GRM3: variants seen among roughly 807,000 people sequenced by gnomAD.
GRM3 encodes the protein metabotropic glutamate receptor 3.
Under a neutral mutation model 70.5 loss-of-function variants are expected in GRM3, and 26 were observed. The ratio of observed to expected loss-of-function variants is 0.37; its 90% CI spans 0.27 to 0.51. GRM3 has a LOEUF of 0.51. Ranked by LOEUF, GRM3 falls within the 20% of genes least tolerant of loss-of-function variation. GRM3 has a pLI of 0.93. For synonymous variants in GRM3, 443 were observed against 434.9 expected, an observed-to-expected ratio of 1.02 and a Z score of -0.23; for missense variants, 859 against 1,123.8, an observed-to-expected ratio of 0.76 and a Z score of 3.37.
intron 1 of GRM3, among the ~76,000 whole-genome samples, chr7:86,726,251 C>A (rs1313448874): frequency 6.6e-6 from 1 of 152,144 alleles, no homozygotes; most frequent in African/African-American, 2.4e-5. Flanking sequence ...TGGCCCTCAC[C>A]CCAAAGTGTG....
chr7:86,670,328 C>G (rs1794139462), intron 1 of GRM3, among the ~76,000 whole-genome samples: 1 of 152,162 alleles, frequency 6.6e-6, no homozygotes. Context: ...CATGTGGCTC[C>G]ATCTATCAAC....
chr7:86,766,680 A>G (rs1156864488), intron 2 of GRM3, among the ~76,000 whole-genome samples: 1 of 152,118 alleles, frequency 6.6e-6, no homozygotes, highest in Non-Finnish European at 1.5e-5. Context: ...TGATATTTAT[A>G]TGTTACTTTA....
At chr7:86,779,843 A>T (rs1408992474) in intron 2 of GRM3, among the ~76,000 whole-genome samples, 2 of 152,248 alleles carry the variant, frequency 1.3e-5, no homozygotes, top group Non-Finnish European at 2.9e-5. Flanking sequence ...GGAAGAAAAA[A>T]ATATATTGGG....
intron 1 of GRM3, among the ~76,000 whole-genome samples, chr7:86,717,888 A>G (rs898059486): frequency 4.0e-5 from 6 of 151,880 alleles, no homozygotes; most frequent in Admixed American, 6.6e-5. Flanking sequence ...ATTGTGAAAC[A>G]TTGTGCATAC....
chr7:86,801,649 C>A (rs1004854049), intron 3 of GRM3, among the ~76,000 whole-genome samples: 4 of 152,134 alleles, frequency 2.6e-5, no homozygotes, highest in South Asian at 4.1e-4. Flanking sequence ...ATCTTAGCAA[C>A]TAGTAAGGGC....
At chr7:86,755,066 G>A (rs1725801977) in intron 1 of GRM3, among the ~76,000 whole-genome samples, 1 of 152,070 alleles carries the variant, frequency 6.6e-6, no homozygotes, top group African/African-American at 2.4e-5. Context: ...TTAACCAACT[G>A]CAGTAGCCAG....
At chr7:86,778,790 T>C (rs1584235746) in intron 2 of GRM3, among the ~76,000 whole-genome samples, 1 of 152,326 alleles carries the variant, frequency 6.6e-6, no homozygotes, top group East Asian at 1.9e-4. Context: ...GCTAATGTCA[T>C]ACTCAGTGCT....
rs139904460 is a variant in GRM3, at chr7:86,679,166, T to G, written c.-141+34294T>G. 7.9e-5 allele frequency among the ~76,000 whole-genome samples: 12 copies of G among 152,194 alleles called. No individual in the cohort carries two copies. The East Asian group carries it at 2.3e-3, about 29-fold the overall frequency. The stretch of plus-strand genomic sequence containing the variant: ...ATCTCTTGTCTGACCATCTTATTAG[T>G]GATCAGGATAATGAATACATAAGTG... On this transcript the variant is annotated intron_variant, in intron 1 of 5. Transcript: ENST00000361669.
At chr7:86,758,899 C>T (rs1381617551) in intron 1 of GRM3, among the ~76,000 whole-genome samples, 1 of 152,128 alleles carries the variant, frequency 6.6e-6, no homozygotes, top group African/African-American at 2.4e-5. Context: ...ACGTCCCTCT[C>T]TTCAACATAC....
intron 1 of GRM3, among the ~76,000 whole-genome samples, chr7:86,670,150 C>T (rs1794134603): frequency 3.3e-5 from 5 of 152,166 alleles, no homozygotes; most frequent in Admixed American, 3.3e-4. Context: ...GCTCTCTTTT[C>T]TTTTGATACC....
At chr7:86,711,508 T>C (rs1399050048) in intron 1 of GRM3, among the ~76,000 whole-genome samples, 5 of 152,110 alleles carry the variant, frequency 3.3e-5, no homozygotes, top group African/African-American at 1.2e-4. Context: ...CTTTCTCTTG[T>C]AGTCTCTGTT....
At chr7:86,648,051 C>T (rs1361471149) in intron 1 of GRM3, among the ~76,000 whole-genome samples, 1 of 152,184 alleles carries the variant, frequency 6.6e-6, no homozygotes, top group African/African-American at 2.4e-5. Flanking sequence ...GATTCAGATT[C>T]TTCATCCAAC....
At chr7:86,647,254 C>T (rs933302818) in intron 1 of GRM3, among the ~76,000 whole-genome samples, 1 of 152,102 alleles carries the variant, frequency 6.6e-6, no homozygotes, top group Non-Finnish European at 1.5e-5. Context: ...ATCTTTTTGC[C>T]AAATAAAACT....
chr7:86,841,090 C>T (rs1252398850), intron 4 of GRM3, among the ~76,000 whole-genome samples: 1 of 152,076 alleles, frequency 6.6e-6, no homozygotes, highest in Non-Finnish European at 1.5e-5. Flanking sequence ...TTACCCATTC[C>T]ACAATGTATA....
At chr7:86,761,680 C>A (rs1246805223) in intron 1 of GRM3, among the ~76,000 whole-genome samples, 1 of 152,086 alleles carries the variant, frequency 6.6e-6, no homozygotes, top group Non-Finnish European at 1.5e-5. Context: ...CAGTCCTTAC[C>A]TGTGAAACAG....
At chr7:86,736,153 A>T (rs1795852574) in intron 1 of GRM3, among the ~76,000 whole-genome samples, 1 of 152,086 alleles carries the variant, frequency 6.6e-6, no homozygotes, top group Admixed American at 6.6e-5. Context: ...TACCAGAGAG[A>T]GCTGGTGTAG....
At chr7:86,747,054 C>G (rs1323871547) in intron 1 of GRM3, among the ~76,000 whole-genome samples, 1 of 152,090 alleles carries the variant, frequency 6.6e-6, no homozygotes, top group Non-Finnish European at 1.5e-5. Context: ...ATTCACTGCT[C>G]TAAGCACTCA....
At chr7:86,751,812 G>A (rs1796239055) in intron 1 of GRM3, among the ~76,000 whole-genome samples, 1 of 152,082 alleles carries the variant, frequency 6.6e-6, no homozygotes, top group Admixed American at 6.6e-5. Context: ...AGTGAGGTAT[G>A]GCATCTCATC....
chr7:86,704,951 A>C (rs188044379), intron 1 of GRM3, among the ~76,000 whole-genome samples: 107 of 152,002 alleles, frequency 7.0e-4, no homozygotes, highest in Non-Finnish European at 1.0e-3. Flanking sequence ...ACTATGAACT[A>C]ATTTCTTTAA....
Sources: gnomAD v4.1 joint callset for allele counts (sites outside exome capture counted in the v4.1 genomes callset) on GRCh38, gnomAD v4.1.1 for gene constraint, MANE v1.5 for transcripts, NCBI Gene and HGNC (gene_info 2026-07-23, HGNC 2026-07-21) for gene names.